The following IGLL1 variants were observed in gnomAD, a reference collection of about 807,000 sequenced individuals.
IGLL1 encodes immunoglobulin lambda like polypeptide 1.
Under a neutral mutation model 10.5 loss-of-function variants are expected in IGLL1, and 10 were observed. The ratio of observed to expected loss-of-function variants is 0.95; its 90% confidence interval spans 0.59 to 1.62. The LOEUF is 1.62. Ranked by LOEUF, IGLL1 falls within the 40% of genes most tolerant of loss-of-function variation. The pLI is 0.00. For missense variants in IGLL1, 284 were observed against 278.7 expected (o/e 1.02, Z -0.14); for synonymous variants, 141 against 122.7 (o/e 1.15, Z -0.99).
intron 2 of IGLL1, among the ~76,000 whole-genome samples, chr22:23,574,158 T>TG (rs1262119081): frequency 6.9e-6 from 1 of 144,532 alleles, no homozygotes; most frequent in Non-Finnish European, 1.5e-5. Context: ...CCCCAGACTT[T>TG]GGGGCACCGC....
intron 1 of IGLL1, 68 bp from the exon 2 acceptor site, chr22:23,575,150 G>A: frequency 1.8e-6 from 2 of 1,107,228 alleles, no homozygotes; most frequent in East Asian, 2.3e-5. Context: ...TAGGGGGGTG[G>A]CCAGTGTCCC....
chr22:23,576,467 G>A (rs1044043098), intron 1 of IGLL1, among the ~76,000 whole-genome samples: 21 of 149,914 alleles, frequency 1.4e-4, no homozygotes, highest in Non-Finnish European at 4.4e-5. Context: ...TTTCACCCTT[G>A]TCGCCCAGGC....
rs557709001 is a variant in IGLL1, at chr22:23,578,095, G to GA, written c.206+1889dup. Among the ~76,000 whole-genome samples, 26 of 151,924 alleles carry GA rather than the reference G, an allele frequency of 1.7e-4. No homozygotes were observed. In the South Asian group the frequency reaches 2.5e-3, roughly 15 times the overall value. On this transcript the variant is annotated intron_variant, in intron 1 of 2. Coordinates refer to ENST00000330377, the MANE Select transcript of IGLL1 (RefSeq NM_020070.4). ...GACGGAGTTTTGCCATGTTGGCCAG[G>GA]ATGGTCTCAATCTCCTGACCTCGTG...
At chr22:23,574,443 T>A (rs1195484009) in intron 2 of IGLL1, among the ~76,000 whole-genome samples, 1 of 151,854 alleles carries the variant, frequency 6.6e-6, no homozygotes, top group African/African-American at 2.4e-5. Flanking sequence ...TCCGTTCCTC[T>A]GTGTCCCCAT....
rs370344976 is a variant in IGLL1 at position 23,578,164 on chromosome 22, G to A, written c.206+1821C>T. Among the ~76,000 whole-genome samples the A allele has an allele frequency of 5.3e-5, 8 of 152,296 alleles. No homozygotes were observed. In the East Asian group the frequency reaches 9.6e-4, roughly 18 times the overall value. ...CCTAAAGTGCTGGGATTACAGGCAT[G>A]AGACACAGCACCCGGCCCATAGTAT... On this transcript the variant is annotated intron_variant, in intron 1 of 2. Coordinates refer to ENST00000330377, the MANE Select transcript of IGLL1 (RefSeq NM_020070.4).
In IGLL1 at chr22:23,580,146, C is replaced by T. The variant is rs1023913513; in HGVS notation, c.45G>A (p.Glu15=). ...TGQGGLEAPG[E]PGPNLRQRWP... Reference sequence around the variant, plus strand: ...AGCGCTGCCTGAGGTTGGGGCCTGGCTCACCAGGGGCCTCAAGGCCCCCCT... The same window carrying T: ...AGCGCTGCCTGAGGTTGGGGCCTGGTTCACCAGGGGCCTCAAGGCCCCCCT... Residue 15 remains glutamate, a synonymous_variant, in exon 1 of 3, where the codon GAG becomes GAA. Transcript: ENST00000330377. 1.9e-6 allele frequency: 3 copies of T among 1,555,016 alleles called. No individual in the cohort carries two copies. Among genetic ancestry groups the T allele is most frequent in the African/African-American group, 1.4e-5 (1 of 74,032 alleles).
intron 1 of IGLL1, among the ~76,000 whole-genome samples, chr22:23,577,759 C>T (rs964899584): frequency 1.4e-4 from 21 of 152,062 alleles, no homozygotes; most frequent in African/African-American, 4.1e-4. Context: ...TGATCTCAAA[C>T]TCCTGGGCTC....
intron 1 of IGLL1, among the ~76,000 whole-genome samples, chr22:23,578,275 C>T (rs1925160150): frequency 6.6e-6 from 1 of 152,174 alleles, no homozygotes; most frequent in Non-Finnish European, 1.5e-5. Context: ...TCTGTGTCTC[C>T]CTCCACCTGT....
chr22:23,574,734 G>A (rs1602288871), intron 2 of IGLL1, among the ~76,000 whole-genome samples: 1 of 152,140 alleles, frequency 6.6e-6, no homozygotes, highest in East Asian at 1.9e-4. Flanking sequence ...CCCAGCCCAG[G>A]CCCTGGGACC....
chr22:23,573,907 TC>T (rs1033440166), intron 2 of IGLL1, among the ~76,000 whole-genome samples: 5 of 151,472 alleles, frequency 3.3e-5, no homozygotes, highest in African/African-American at 1.2e-4. Context: ...GAGTTTGGAA[TC>T]TAGGGGTCTC....
chr22:23,579,326 C>A (rs535303750), intron 1 of IGLL1, among the ~76,000 whole-genome samples: 6 of 152,312 alleles, frequency 3.9e-5, no homozygotes, highest in African/African-American at 1.4e-4. Context: ...TCCCACCACA[C>A]GCAGAGTGGT....
rs761356067 is a variant in IGLL1, at chr22:23,574,994, C to T, written c.295G>A (p.Gly99Ser). 2 of 1,613,928 alleles carry T rather than the reference C, an allele frequency of 1.2e-6. No individual in the cohort carries two copies. The highest frequency in any genetic ancestry group is 1.7e-6 in the Non-Finnish European group (2 of 1,179,808). ...SKHNSVTHVF[G>S]SGTQLTVLSQ... ...AAAACGGTGAGCTGGGTCCCGCTGCCAAACACATGCGTCACTGAGTTATGC... is the reference window on the plus strand; with the variant it reads ...AAAACGGTGAGCTGGGTCCCGCTGCTAAACACATGCGTCACTGAGTTATGC... Residue 99 changes from glycine to serine, a missense_variant, in exon 2 of 3, where the codon GGC becomes AGC. Transcript: ENST00000330377.
intron 2 of IGLL1, among the ~76,000 whole-genome samples, chr22:23,574,124 T>G (rs131418): frequency 0.6 from 85,626 of 142,242 alleles, 28,419 homozygotes; most frequent in Non-Finnish European, 0.74. Flanking sequence ...ACCCTTCACA[T>G]CGGCTGGGTT....
chr22:23,577,188 G>C (rs1395678780), intron 1 of IGLL1, among the ~76,000 whole-genome samples: 1 of 152,134 alleles, frequency 6.6e-6, no homozygotes, highest in Non-Finnish European at 1.5e-5. Flanking sequence ...GAGGCGGGTG[G>C]ATGGCTTGAG....
chr22:23,575,556 A>G (rs563650), intron 1 of IGLL1, among the ~76,000 whole-genome samples: 2 of 151,914 alleles, frequency 1.3e-5, no homozygotes, highest in Non-Finnish European at 2.9e-5. Context: ...CATTCATTCC[A>G]TCCGTCCGTC....
Position 23,573,285 on chromosome 22 carries a change from GCCAC to G in IGLL1, c.619_622del (p.Val207ProfsTer46), listed in dbSNP as rs772997134. ...GGGAACCTATGAACATTCTGCAGGGGCCACCGTCTTCTCCACGGTGCTCCCTTCG... is the reference window on the plus strand; with the variant it reads ...GGGAACCTATGAACATTCTGCAGGGGCGTCTTCTCCACGGTGCTCCCTTCG... On this transcript the variant is annotated frameshift_variant, in exon 3 of 3. Coordinates refer to ENST00000330377, the MANE Select transcript of IGLL1 (RefSeq NM_020070.4). LOFTEE classifies it high-confidence loss of function. The G allele has an allele frequency of 6.2e-7, 1 of 1,614,026 alleles. No individual in the cohort carries two copies. The highest frequency in any genetic ancestry group is 1.7e-5 in the Admixed American group (1 of 60,018).
chr22:23,575,578 CCATCTGTCCATCTATG>C (rs948091983), intron 1 of IGLL1, among the ~76,000 whole-genome samples: 1 of 152,198 alleles, frequency 6.6e-6, no homozygotes, highest in Non-Finnish European at 1.5e-5. Context: ...ATCCATCTGT[CCATCTGTCCATCTATG>C]CATCTGTCCA....
chr22:23,575,099 G>A lies in IGLL1; in HGVS notation c.207-17C>T. On this transcript the variant is annotated splice_polypyrimidine_tract_variant and intron_variant, in intron 1 of 2. Coordinates refer to ENST00000330377, the MANE Select transcript of IGLL1 (RefSeq NM_020070.4). ...AGCAGGAACCTGCTGGGAGTGAGGG[G>A]CACAGGGCTGCAGTGTGTAGGCTGT... 6.4e-7 allele frequency: 1 copy of A among 1,561,010 alleles called. No individual in the cohort carries two copies. Among genetic ancestry groups the A allele is most frequent in the Non-Finnish European group, 8.8e-7 (1 of 1,131,614 alleles).
rs1295786975 is a variant in IGLL1 at position 23,576,127 on chromosome 22, A to G, written c.207-1045T>C. ...CTAATCACGTCCAGAGGAGATGACCACCTTCCCCCAGCCCAGCTCATTTTC... is the reference window on the plus strand; with the variant it reads ...CTAATCACGTCCAGAGGAGATGACCGCCTTCCCCCAGCCCAGCTCATTTTC... On this transcript the variant is annotated intron_variant, in intron 1 of 2. Transcript: ENST00000330377. 3.3e-5 allele frequency among the ~76,000 whole-genome samples: 5 copies of G among 151,824 alleles called. No individual in the cohort carries two copies. In the East Asian group the frequency reaches 9.7e-4, roughly 29 times the overall value.
Sources: allele counts gnomAD v4.1 joint callset (sites outside exome capture counted in the v4.1 genomes callset), GRCh38; gene constraint gnomAD v4.1.1; transcripts MANE v1.5; gene names NCBI Gene and HGNC (gene_info 2026-07-23, HGNC 2026-07-21).